Variants in NAA11 observed in about 807,000 individuals in gnomAD.
The protein encoded by NAA11 is N-alpha-acetyltransferase 11.
In NAA11, 15 loss-of-function variants were observed where a neutral mutation model predicts 16.1. The observed-to-expected ratio is 0.93, with a 90% CI of 0.62 to 1.44. The LOEUF is 1.44. NAA11 is among the 40% of genes most tolerant of loss of function. NAA11 has a pLI of 0.00. For synonymous variants in NAA11, 122 were observed against 112.4 expected (o/e 1.09, Z -0.54); for missense variants, 298 against 291.3 (o/e 1.02, Z -0.17).
the NAA11 span, among the ~76,000 whole-genome samples, chr4:79,181,642 AT>A: frequency 6.6e-6 from 1 of 152,228 alleles, no homozygotes; most frequent in Admixed American, 6.5e-5. Context: ...CTCGTAGTTT[AT>A]TAGTCTCTGA....
the NAA11 span, among the ~76,000 whole-genome samples, chr4:79,210,831 T>A: frequency 6.6e-6 from 1 of 152,084 alleles, no homozygotes; most frequent in Non-Finnish European, 1.5e-5. Flanking sequence ...CCCGGCCCAA[T>A]AGGTCAGTTA....
intron 2 of NAA11, among the ~76,000 whole-genome samples, chr4:79,255,326 T>A (rs1172626803): frequency 6.6e-6 from 1 of 151,898 alleles, no homozygotes; most frequent in African/African-American, 2.4e-5. Context: ...AGTAATTTTT[T>A]AAACTCTTCT....
the NAA11 span, among the ~76,000 whole-genome samples, chr4:79,188,119 C>T: frequency 6.6e-6 from 1 of 151,916 alleles, no homozygotes; most frequent in Admixed American, 6.6e-5. Context: ...AATTTTCTCC[C>T]CTTTTTTGAA....
chr4:79,320,870 C>T (rs1258793900), intron 1 of NAA11, among the ~76,000 whole-genome samples: 1 of 152,206 alleles, frequency 6.6e-6, no homozygotes, highest in African/African-American at 2.4e-5. Flanking sequence ...AAGGATAGTA[C>T]TTTTGCAGTA....
At chr4:79,284,460 T>C (rs1722864024) in intron 2 of NAA11, among the ~76,000 whole-genome samples, 1 of 152,110 alleles carries the variant, frequency 6.6e-6, no homozygotes, top group Admixed American at 6.6e-5. Context: ...CAAGTTTGAT[T>C]CAAGAGTATC....
the NAA11 span, among the ~76,000 whole-genome samples, chr4:79,212,438 C>T: frequency 9.9e-4 from 150 of 152,060 alleles, 1 homozygote; most frequent in Non-Finnish European, 1.6e-3. Context: ...GCTAAGTGAG[C>T]ACTCAAGGCT....
the NAA11 span, chr4:79,195,990 T>C: frequency 6.6e-6 from 1 of 152,238 alleles, no homozygotes; most frequent in Non-Finnish European, 1.5e-5. Flanking sequence ...ATGTCTTTAT[T>C]AGCAGTGTGA....
the NAA11 span, among the ~76,000 whole-genome samples, chr4:79,214,548 C>G: frequency 6.6e-6 from 1 of 152,066 alleles, no homozygotes; most frequent in African/African-American, 2.4e-5. Flanking sequence ...GCCTGTAATA[C>G]CAGCACTTTG....
the NAA11 span, among the ~76,000 whole-genome samples, chr4:79,173,687 G>T: frequency 6.6e-6 from 1 of 152,050 alleles, no homozygotes; most frequent in Non-Finnish European, 1.5e-5. Context: ...TATTCTCGTG[G>T]GGGAGAACAA....
chr4:79,156,753 A>C, the NAA11 span, among the ~76,000 whole-genome samples: 3 of 152,242 alleles, frequency 2.0e-5, no homozygotes, highest in Non-Finnish European at 4.4e-5. Flanking sequence ...AGATGATAAA[A>C]GAAGCCCAAG....
the NAA11 span, among the ~76,000 whole-genome samples, chr4:79,212,614 T>G: frequency 1.3e-5 from 2 of 152,176 alleles, no homozygotes; most frequent in Non-Finnish European, 2.9e-5. Context: ...TTACATGGTT[T>G]CAGTTACCCA....
intron 2 of NAA11, among the ~76,000 whole-genome samples, chr4:79,240,180 T>C (rs983591113): frequency 6.6e-6 from 1 of 152,192 alleles, no homozygotes; most frequent in South Asian, 2.1e-4. Context: ...TGGCATTCCA[T>C]GTATAATTGT....
At chr4:79,164,533 A>G in the NAA11 span, among the ~76,000 whole-genome samples, 1 of 152,166 alleles carries the variant, frequency 6.6e-6, no homozygotes, top group Non-Finnish European at 1.5e-5. Context: ...TCTTTCACCC[A>G]CTTAGTTATC....
At chr4:79,268,912 T>G (rs1722414291) in intron 2 of NAA11, among the ~76,000 whole-genome samples, 1 of 131,064 alleles carries the variant, frequency 7.6e-6, no homozygotes, top group Non-Finnish European at 1.6e-5. Context: ...CCATGTGATC[T>G]CATTGTTCAA....
At position 79,291,046 on chromosome 4, in the gene NAA11, A is replaced by G. The variant is rs1165974642; in HGVS notation, c.*122+2959T>C. ...CATATATATATTACTGAGTTTGAAAAAAACAGTTTTACTACAAATGGGGAA... is the reference window on the plus strand; with the variant it reads ...CATATATATATTACTGAGTTTGAAAGAAACAGTTTTACTACAAATGGGGAA... On this transcript the variant is annotated intron_variant and NMD_transcript_variant, in intron 2 of 2. Transcript: ENST00000511542. Among the ~76,000 whole-genome samples, 3 of 152,204 alleles carry G rather than the reference A, an allele frequency of 2.0e-5. No individual in the cohort carries two copies. In the South Asian group the frequency reaches 6.2e-4, roughly 31 times the overall value.
At chr4:79,323,876 G>C (rs992421835) in intron 1 of NAA11, among the ~76,000 whole-genome samples, 3 of 151,832 alleles carry the variant, frequency 2.0e-5, no homozygotes, top group Non-Finnish European at 4.4e-5. Flanking sequence ...GGTGGCGGGC[G>C]CCTGTAGTCC....
downstream of NAA11, among the ~76,000 whole-genome samples, chr4:79,220,885 A>G (rs1179315209): frequency 1.3e-5 from 2 of 152,012 alleles, no homozygotes; most frequent in Non-Finnish European, 2.9e-5. Flanking sequence ...ATGAAATTTA[A>G]AGTAGTTTTT....
chr4:79,282,722 C>CA, intron 2 of NAA11, among the ~76,000 whole-genome samples: 1 of 151,984 alleles, frequency 6.6e-6, no homozygotes. Flanking sequence ...GTGGAAATGT[C>CA]AAGAGGTCAA....
At position 79,288,970 on chromosome 4, in the gene NAA11, A is replaced by G. The variant is rs1008787933; in HGVS notation, c.*122+5035T>C. Among the ~76,000 whole-genome samples, 4 of 152,316 alleles carry G rather than the reference A, an allele frequency of 2.6e-5. No homozygotes were observed. In the East Asian group the frequency reaches 5.8e-4, roughly 22 times the overall value. On this transcript the variant is annotated intron_variant and NMD_transcript_variant, in intron 2 of 2. Coordinates refer to the NAA11 transcript ENST00000511542. Reference sequence around the variant, plus strand: ...ATGTCATTCAATATTTTTCTACAATATTTTTGATGGCTACATAACATTCCA... The same window carrying G: ...ATGTCATTCAATATTTTTCTACAATGTTTTTGATGGCTACATAACATTCCA...
Sources: gnomAD v4.1 joint callset for allele counts (sites outside exome capture counted in the v4.1 genomes callset) on GRCh38, gnomAD v4.1.1 for gene constraint, MANE v1.5 for transcripts, NCBI Gene and HGNC (gene_info 2026-07-23, HGNC 2026-07-21) for gene names.